The following ESRRB variants were observed in gnomAD, a reference collection of about 807,000 sequenced individuals.
The protein encoded by ESRRB is steroid hormone receptor ERR2.
ESRRB carries 16 observed loss-of-function variants against 46.0 expected under a neutral mutation model. The ratio of observed to expected loss-of-function variants is 0.35; its 90% confidence interval spans 0.24 to 0.53. The LOEUF is 0.53. ESRRB is among the 20% of genes least tolerant of loss of function. The pLI is 0.93. For missense variants in ESRRB, 488 were observed against 607.4 expected (o/e 0.80, Z 2.07); for synonymous variants, 246 against 259.6 (o/e 0.95, Z 0.50).
intron 1 of ESRRB, among the ~76,000 whole-genome samples, chr14:76,311,265 A>G (rs572004305): frequency 6.6e-6 from 1 of 152,298 alleles, no homozygotes; most frequent in African/African-American, 2.4e-5. Flanking sequence ...GAAAGTTTAC[A>G]TGCAGCTCAG....
intron 1 of ESRRB, among the ~76,000 whole-genome samples, chr14:76,358,903 G>A (rs928129692): frequency 2.2e-4 from 33 of 152,192 alleles, no homozygotes; most frequent in African/African-American, 7.7e-4. Flanking sequence ...TGACTTGAGC[G>A]CTTGTGAAAA....
chr14:76,445,719 CTG>C (rs1199666297), intron 2 of ESRRB, among the ~76,000 whole-genome samples: 1 of 146,496 alleles, frequency 6.8e-6, no homozygotes, highest in Admixed American at 6.8e-5. Context: ...GAGTCTCGCT[CTG>C]TCACCCAGGC....
At chr14:76,461,417 G>A (rs1003985195) in intron 2 of ESRRB, among the ~76,000 whole-genome samples, 1 of 148,428 alleles carries the variant, frequency 6.7e-6, no homozygotes, top group African/African-American at 2.5e-5. Flanking sequence ...AGCAGCCCAA[G>A]GTCTTGGCTT....
At chr14:76,401,480 C>T (rs759336185) in intron 1 of ESRRB, among the ~76,000 whole-genome samples, 1 of 152,140 alleles carries the variant, frequency 6.6e-6, no homozygotes, top group African/African-American at 2.4e-5. Context: ...GGGGAGTTCG[C>T]CAAAGAAACA....
intron 1 of ESRRB, among the ~76,000 whole-genome samples, chr14:76,423,557 C>T (rs1481942649): frequency 6.6e-6 from 1 of 152,144 alleles, no homozygotes; most frequent in Non-Finnish European, 1.5e-5. Context: ...GTGGGTTCTG[C>T]TCCTGGGGCG....
chr14:76,461,063 A>C (rs1475643089), intron 2 of ESRRB, among the ~76,000 whole-genome samples: 1 of 150,678 alleles, frequency 6.6e-6, no homozygotes, highest in Non-Finnish European at 1.5e-5. Flanking sequence ...CTTTCCCTCC[A>C]TTACCAGGCA....
intron 1 of ESRRB, among the ~76,000 whole-genome samples, chr14:76,341,792 G>T (rs1352554454): frequency 6.6e-6 from 1 of 152,242 alleles, no homozygotes; most frequent in African/African-American, 2.4e-5. Context: ...CTGGAGGGAA[G>T]TGAGTAAGGC....
chr14:76,358,323 AAAAGAAAGAAAGAAAGAAAG>A (rs869092343), intron 1 of ESRRB, among the ~76,000 whole-genome samples: 3,763 of 52,878 alleles, frequency 0.071, 385 homozygotes, highest in Middle Eastern at 0.098. Flanking sequence ...AAAAAAAAAA[AAAAGAAAGAAAGAAAGAAAG>A]AAAGAAAGAA....
chr14:76,369,105 G>A (rs1028076611), upstream of ESRRB, among the ~76,000 whole-genome samples: 2 of 151,232 alleles, frequency 1.3e-5, no homozygotes, highest in Non-Finnish European at 2.9e-5. Context: ...GCTGAGGCAG[G>A]AGAATCGCTT....
chr14:76,450,928 T>A (rs1450716959), intron 2 of ESRRB, among the ~76,000 whole-genome samples: 4 of 152,140 alleles, frequency 2.6e-5, no homozygotes, highest in Non-Finnish European at 5.9e-5. Context: ...ATGTTAGCTA[T>A]CTGTAGGGCA....
At chr14:76,344,498 A>G (rs1884226018) in intron 1 of ESRRB, among the ~76,000 whole-genome samples, 1 of 150,794 alleles carries the variant, frequency 6.6e-6, no homozygotes, top group South Asian at 2.1e-4. Context: ...CTTAGATCCC[A>G]CATATCAGTG....
intron 2 of ESRRB, among the ~76,000 whole-genome samples, chr14:76,461,793 G>A (rs1469395902): frequency 6.6e-6 from 1 of 152,232 alleles, no homozygotes. Context: ...TTACAGGCAT[G>A]AGCCACTGTA....
chr14:76,448,523 A>T (rs1555398545), intron 2 of ESRRB, among the ~76,000 whole-genome samples: 1 of 148,650 alleles, frequency 6.7e-6, no homozygotes, highest in Non-Finnish European at 1.5e-5. Context: ...TTTAGTAGAG[A>T]CGGGGTTTCA....
intron 3 of ESRRB, among the ~76,000 whole-genome samples, chr14:76,466,988 G>A (rs1566602085): frequency 6.6e-6 from 1 of 151,968 alleles, no homozygotes; most frequent in Non-Finnish European, 1.5e-5. Flanking sequence ...CCAAAGTGCT[G>A]GGATTACAGG....
At chr14:76,418,673 G>A (rs1283943293) in intron 1 of ESRRB, among the ~76,000 whole-genome samples, 1 of 152,148 alleles carries the variant, frequency 6.6e-6, no homozygotes, top group Non-Finnish European at 1.5e-5. Context: ...GGAGTGCAGT[G>A]GAGCGATCTC....
intron 6 of ESRRB, chr14:76,495,479 C>T (rs1357214656): frequency 4.0e-5 from 6 of 150,142 alleles, no homozygotes; most frequent in African/African-American, 7.4e-5. Context: ...CTTCCCAGCA[C>T]GGAGGGGTTG....
upstream of ESRRB, among the ~76,000 whole-genome samples, chr14:76,368,238 G>C (rs918168298): frequency 3.3e-5 from 5 of 150,520 alleles, no homozygotes; most frequent in African/African-American, 1.2e-4. Context: ...CTCCCAAAGT[G>C]CTGGGATTAC....
chr14:76,441,725 G>A (rs1226210646), intron 2 of ESRRB, among the ~76,000 whole-genome samples: 3 of 152,216 alleles, frequency 2.0e-5, no homozygotes, highest in African/African-American at 7.2e-5. Context: ...TGTAGGTGCT[G>A]GTGATAGGAT....
At chr14:76,424,652 T>C (rs1403354405) in intron 1 of ESRRB, among the ~76,000 whole-genome samples, 4 of 152,146 alleles carry the variant, frequency 2.6e-5, no homozygotes, top group African/African-American at 7.2e-5. Context: ...GTATAGTGTC[T>C]AGGATGAGGG....
Sources: gnomAD v4.1 joint callset for allele counts (sites outside exome capture counted in the v4.1 genomes callset) on GRCh38, gnomAD v4.1.1 for gene constraint, MANE v1.5 for transcripts, NCBI Gene and HGNC (gene_info 2026-07-23, HGNC 2026-07-21) for gene names.